Variants in THSD4 observed in about 807,000 individuals in gnomAD.
THSD4 encodes the protein thrombospondin type-1 domain-containing protein 4.
In THSD4, 69 loss-of-function variants were observed where a neutral mutation model predicts 119.0. That is an observed-to-expected ratio of 0.58 (90% confidence interval 0.48 to 0.71). The LOEUF is 0.71. Ranked by LOEUF, THSD4 falls within the 30% of genes least tolerant of loss-of-function variation. The pLI, the probability that THSD4 is intolerant of heterozygous loss-of-function variation, is 0.00. For synonymous variants in THSD4, 524 were observed against 540.4 expected (o/e 0.97, Z 0.42); for missense variants, 1,393 against 1,391.1 (o/e 1.00, Z -0.02).
chr15:71,730,493 G>T (rs893968477), intron 9 of THSD4: 2 of 152,680 alleles, frequency 1.3e-5, no homozygotes, highest in African/African-American at 2.4e-5. Context: ...ACAGTCCTAC[G>T]TAGATTCCTG....
intron 7 of THSD4, among the ~76,000 whole-genome samples, chr15:71,657,518 G>A (rs1314881454): frequency 1.3e-5 from 2 of 152,156 alleles, no homozygotes; most frequent in East Asian, 3.9e-4. Context: ...TCATTCTGGA[G>A]TTGTCCCTCT....
chr15:71,144,664 G>T (rs1304930472), intron 2 of THSD4, among the ~76,000 whole-genome samples: 1 of 152,150 alleles, frequency 6.6e-6, no homozygotes, highest in Non-Finnish European at 1.5e-5. Flanking sequence ...CAGAAAACCA[G>T]CTTCCTTCTC....
At chr15:71,719,881 G>T (rs1037873021) in intron 8 of THSD4, among the ~76,000 whole-genome samples, 3 of 152,016 alleles carry the variant, frequency 2.0e-5, no homozygotes, top group African/African-American at 7.3e-5. Context: ...TCTCCATGTT[G>T]CCCAGGTTGG....
chr15:71,389,202 T>C (rs749417748), intron 6 of THSD4, among the ~76,000 whole-genome samples: 3 of 152,198 alleles, frequency 2.0e-5, no homozygotes, highest in Non-Finnish European at 4.4e-5. Context: ...GTTAAGTACA[T>C]TCACATTGTT....
At chr15:71,545,843 C>T (rs1159265338) in intron 7 of THSD4, among the ~76,000 whole-genome samples, 2 of 152,158 alleles carry the variant, frequency 1.3e-5, no homozygotes, top group African/African-American at 2.4e-5. Context: ...CAAAAAACTC[C>T]CCACTGGTAA....
At chr15:71,157,623 C>T (rs2040791661) in intron 3 of THSD4, among the ~76,000 whole-genome samples, 1 of 151,750 alleles carries the variant, frequency 6.6e-6, no homozygotes, top group Admixed American at 6.6e-5. Flanking sequence ...TTTTCTTTCC[C>T]CTCTTCTCCT....
intron 7 of THSD4, among the ~76,000 whole-genome samples, chr15:71,580,064 CAA>C (rs1452855583): frequency 2.0e-5 from 3 of 151,946 alleles, no homozygotes; most frequent in Admixed American, 6.6e-5. Flanking sequence ...TGTGCTTTCC[CAA>C]GAGAGAGTTT....
At chr15:71,411,343 G>A (rs1022134416) in intron 6 of THSD4, among the ~76,000 whole-genome samples, 19 of 152,146 alleles carry the variant, frequency 1.2e-4, no homozygotes, top group African/African-American at 4.6e-4. Flanking sequence ...AAAAGTGTGT[G>A]ATTATGAAAT....
intron 6 of THSD4, among the ~76,000 whole-genome samples, chr15:71,372,869 G>C (rs2046075507): frequency 6.6e-6 from 1 of 152,230 alleles, no homozygotes; most frequent in South Asian, 2.1e-4. Context: ...TGCCCTGCCT[G>C]CAGAGGTGGA....
chr15:71,640,171 C>T (rs1002582126), intron 7 of THSD4, among the ~76,000 whole-genome samples: 1 of 152,118 alleles, frequency 6.6e-6, no homozygotes, highest in Non-Finnish European at 1.5e-5. Context: ...TAGCCTCGAC[C>T]TCTTGGGCTC....
At chr15:71,686,739 C>G (rs2051919109) in intron 8 of THSD4, among the ~76,000 whole-genome samples, 1 of 152,198 alleles carries the variant, frequency 6.6e-6, no homozygotes, top group Admixed American at 6.5e-5. Flanking sequence ...AGCAAGAAAA[C>G]TGAAGATTTA....
At chr15:71,726,780 T>C (rs1180148743) in intron 8 of THSD4, among the ~76,000 whole-genome samples, 4 of 151,970 alleles carry the variant, frequency 2.6e-5, no homozygotes, top group African/African-American at 9.7e-5. Context: ...TCTACTAAAA[T>C]ACAAAAATTA....
At chr15:71,332,891 C>T (rs1466795992) in intron 6 of THSD4, among the ~76,000 whole-genome samples, 466 of 38,028 alleles carry the variant, frequency 0.012, 5 homozygotes, top group African/African-American at 0.032. Context: ...GATTTTTTTA[C>T]ATTTTTTTTT....
intron 7 of THSD4, among the ~76,000 whole-genome samples, chr15:71,529,192 G>A (rs1458374575): frequency 6.6e-6 from 1 of 152,162 alleles, no homozygotes; most frequent in Non-Finnish European, 1.5e-5. Flanking sequence ...TGGTTGTGTG[G>A]AGCTTTACCC....
At chr15:71,624,176 C>G (rs2050468540) in intron 7 of THSD4, among the ~76,000 whole-genome samples, 1 of 152,110 alleles carries the variant, frequency 6.6e-6, no homozygotes, top group Non-Finnish European at 1.5e-5. Flanking sequence ...TCAGAGTTGT[C>G]CCAATAGAAG....
chr15:71,236,794 G>A (rs1262196927), intron 4 of THSD4, among the ~76,000 whole-genome samples: 1 of 152,186 alleles, frequency 6.6e-6, no homozygotes, highest in Non-Finnish European at 1.5e-5. Flanking sequence ...CAAACAATAA[G>A]CATAATAGAA....
intron 15 of THSD4, among the ~76,000 whole-genome samples, chr15:71,759,998 T>C (rs1018934499): frequency 6.6e-6 from 1 of 152,118 alleles, no homozygotes; most frequent in Non-Finnish European, 1.5e-5. Flanking sequence ...TTTGACATTA[T>C]CCCCAAAGAA....
intron 7 of THSD4, among the ~76,000 whole-genome samples, chr15:71,606,926 A>G (rs1471035099): frequency 5.3e-5 from 8 of 152,354 alleles, no homozygotes; most frequent in Non-Finnish European, 1.0e-4. Context: ...GCAGGACTGG[A>G]TGACAGCTTG....
rs1046427939 is a variant in THSD4 at position 71,205,757 on chromosome 15, A to G, written c.100-9278A>G. On this transcript the variant is annotated intron_variant, in intron 3 of 17. Transcript: ENST00000261862. ...AATTTGGGGCCTTTTGCAATGTGTC[A>G]TGTCAGAGTCTAGATAGTTGATCAA... 2.6e-5 allele frequency among the ~76,000 whole-genome samples: 4 copies of G among 152,202 alleles called. No individual in the cohort carries two copies. In the East Asian group the frequency reaches 5.8e-4, roughly 22 times the overall value.
Sources: gnomAD v4.1 joint callset for allele counts (sites outside exome capture counted in the v4.1 genomes callset) on GRCh38, gnomAD v4.1.1 for gene constraint, MANE v1.5 for transcripts, NCBI Gene and HGNC (gene_info 2026-07-23, HGNC 2026-07-21) for gene names.